The following PDGFD variants were observed in gnomAD, a reference collection of about 807,000 sequenced individuals.
The protein encoded by PDGFD is platelet derived growth factor D, also known as platelet-derived growth factor D.
In PDGFD, 30 loss-of-function variants were observed where a neutral mutation model predicts 44.7. That is an observed-to-expected ratio of 0.67 (90% confidence interval 0.50 to 0.91). The LOEUF (loss-of-function observed/expected upper bound fraction) is 0.91. PDGFD is among the 40% of genes least tolerant of loss of function. The pLI is 0.00. For synonymous variants in PDGFD, 173 were observed against 168.4 expected (o/e 1.03, Z -0.21); for missense variants, 445 against 457.8 (o/e 0.97, Z 0.25).
intron 1 of PDGFD, among the ~76,000 whole-genome samples, chr11:104,050,845 C>T (rs926568099): frequency 6.6e-6 from 1 of 152,170 alleles, no homozygotes; most frequent in African/African-American, 2.4e-5. Flanking sequence ...AACTCCAAGA[C>T]TGATTGTAAT....
chr11:104,104,831 C>T (rs1861449829), intron 1 of PDGFD, among the ~76,000 whole-genome samples: 1 of 152,130 alleles, frequency 6.6e-6, no homozygotes, highest in Non-Finnish European at 1.5e-5. Flanking sequence ...TCACCAGAAA[C>T]AGGTGGTAAT....
chr11:104,028,193 A>G (rs1383681322), intron 1 of PDGFD, among the ~76,000 whole-genome samples: 3 of 14,860 alleles, frequency 2.0e-4, no homozygotes, highest in African/African-American at 5.7e-4. Context: ...CCGTCAAAGA[A>G]AAAAAAAAAA....
chr11:104,115,420 TTATATACTA>T (rs1206547049), intron 1 of PDGFD, among the ~76,000 whole-genome samples: 1 of 151,396 alleles, frequency 6.6e-6, no homozygotes, highest in Non-Finnish European at 1.5e-5. Flanking sequence ...TAGCATTAAT[TTATATACTA>T]TATATAATTG....
intron 1 of PDGFD, among the ~76,000 whole-genome samples, chr11:104,101,885 T>C (rs1861387997): frequency 6.6e-6 from 1 of 152,070 alleles, no homozygotes; most frequent in Admixed American, 6.6e-5. Flanking sequence ...TGTAGAAAGC[T>C]GAAACTGGAT....
intron 1 of PDGFD, among the ~76,000 whole-genome samples, chr11:104,156,570 T>G (rs1405199398): frequency 6.6e-6 from 1 of 152,074 alleles, no homozygotes; most frequent in Non-Finnish European, 1.5e-5. Flanking sequence ...TGGGCTATGA[T>G]GCTTCCACAG....
intron 1 of PDGFD, among the ~76,000 whole-genome samples, chr11:104,077,648 C>T (rs535163744): frequency 1.3e-5 from 2 of 151,932 alleles, no homozygotes; most frequent in African/African-American, 4.8e-5. Context: ...CAAAGTTGTG[C>T]AAAATATTGT....
intron 1 of PDGFD, among the ~76,000 whole-genome samples, chr11:104,077,249 C>T (rs770895642): frequency 3.3e-5 from 5 of 152,042 alleles, no homozygotes; most frequent in South Asian, 4.1e-4. Flanking sequence ...CCTCTGTAGA[C>T]GACATGACTG....
At chr11:104,097,737 C>T (rs1314974308) in intron 1 of PDGFD, among the ~76,000 whole-genome samples, 3 of 152,150 alleles carry the variant, frequency 2.0e-5, no homozygotes, top group Non-Finnish European at 4.4e-5. Context: ...AGCTGTTATC[C>T]TCCTTTTACA....
intron 6 of PDGFD, among the ~76,000 whole-genome samples, chr11:103,921,374 T>A (rs1330864189): frequency 6.6e-6 from 1 of 152,174 alleles, no homozygotes; most frequent in Admixed American, 6.5e-5. Context: ...AATTTGAAAA[T>A]TTAGGTACTT....
At chr11:103,969,472 TG>T (rs1426058852) in intron 3 of PDGFD, among the ~76,000 whole-genome samples, 8 of 128,694 alleles carry the variant, frequency 6.2e-5, no homozygotes, top group Middle Eastern at 3.8e-3. Flanking sequence ...ACACCAAGCC[TG>T]GTTTTTTTTT....
intron 4 of PDGFD, chr11:103,945,844 A>T (rs1343870154): frequency 6.6e-6 from 1 of 152,188 alleles, no homozygotes; most frequent in Admixed American, 6.5e-5. Flanking sequence ...TCCAAACCAT[A>T]GGTAAAATGC....
chr11:104,064,321 C>A (rs966916213), intron 1 of PDGFD, among the ~76,000 whole-genome samples: 1 of 152,194 alleles, frequency 6.6e-6, no homozygotes, highest in South Asian at 2.1e-4. Context: ...AGTGGAAGTG[C>A]TGATAAACAT....
At chr11:104,076,287 T>C (rs533519042) in intron 1 of PDGFD, among the ~76,000 whole-genome samples, 1 of 152,276 alleles carries the variant, frequency 6.6e-6, no homozygotes, top group South Asian at 2.1e-4. Flanking sequence ...TTTATAGCAG[T>C]ATGGAAATGA....
intron 6 of PDGFD, among the ~76,000 whole-genome samples, chr11:103,912,960 C>T (rs186752385): frequency 2.6e-4 from 39 of 152,290 alleles, no homozygotes; most frequent in African/African-American, 8.9e-4. Flanking sequence ...GCACCCAATA[C>T]AGGAGCACCC....
chr11:104,161,557 A>G (rs998023713), intron 1 of PDGFD, among the ~76,000 whole-genome samples: 2 of 152,140 alleles, frequency 1.3e-5, no homozygotes, highest in Non-Finnish European at 2.9e-5. Context: ...ACTATTGCTA[A>G]CCTCCATCCC....
chr11:104,147,689 A>G (rs1862183581), intron 1 of PDGFD, among the ~76,000 whole-genome samples: 1 of 152,154 alleles, frequency 6.6e-6, no homozygotes, highest in Admixed American at 6.6e-5. Context: ...TAAGGCCACT[A>G]ACTCCAAGGA....
intron 1 of PDGFD, among the ~76,000 whole-genome samples, chr11:104,070,641 G>C (rs1372505877): frequency 1.3e-5 from 2 of 152,050 alleles, no homozygotes; most frequent in Non-Finnish European, 2.9e-5. Flanking sequence ...AAAATAATAT[G>C]ACAGATACTC....
intron 3 of PDGFD, among the ~76,000 whole-genome samples, chr11:103,966,580 G>A (rs932406232): frequency 1.2e-4 from 18 of 152,224 alleles, no homozygotes; most frequent in Non-Finnish European, 1.3e-4. Context: ...GTTTACTGAT[G>A]GGATCGAAAG....
At chr11:103,959,450 A>T (rs1207237171) in intron 3 of PDGFD, among the ~76,000 whole-genome samples, 2 of 152,216 alleles carry the variant, frequency 1.3e-5, no homozygotes, top group Admixed American at 1.3e-4. Flanking sequence ...AAACAAAAGC[A>T]TAGGACTCAT....
Sources: allele counts gnomAD v4.1 joint callset (sites outside exome capture counted in the v4.1 genomes callset), GRCh38; gene constraint gnomAD v4.1.1; transcripts MANE v1.5; gene names NCBI Gene and HGNC (gene_info 2026-07-23, HGNC 2026-07-21).